SGCZ: variants seen among roughly 807,000 people sequenced by gnomAD.
SGCZ encodes sarcoglycan zeta, also known as zeta-sarcoglycan.
SGCZ carries 40 observed loss-of-function variants against 41.3 expected under a neutral mutation model. That is an observed-to-expected ratio of 0.97 (90% CI 0.75 to 1.26). The LOEUF is 1.26. Ranked by LOEUF, SGCZ falls within the 50% of genes most tolerant of loss-of-function variation. The pLI, the probability that SGCZ is intolerant of heterozygous loss-of-function variation, is 0.00. For missense variants in SGCZ, 552 were observed against 369.8 expected (o/e 1.49, Z -4.04); for synonymous variants, 206 against 137.5 (o/e 1.50, Z -3.49).
intron 1 of SGCZ, among the ~76,000 whole-genome samples, chr8:15,212,584 G>C (rs1251870843): frequency 6.6e-6 from 1 of 152,044 alleles, no homozygotes; most frequent in Non-Finnish European, 1.5e-5. Flanking sequence ...CTTGGCTACA[G>C]CTGGAATAAT....
chr8:14,203,849 A>G (rs951802576), intron 4 of SGCZ, among the ~76,000 whole-genome samples: 3 of 152,162 alleles, frequency 2.0e-5, no homozygotes, highest in African/African-American at 7.2e-5. Context: ...ATGGAATGAA[A>G]GTGTAAGAGA....
At chr8:14,219,947 G>A (rs1255009952) in intron 4 of SGCZ, among the ~76,000 whole-genome samples, 1 of 152,066 alleles carries the variant, frequency 6.6e-6, no homozygotes, top group Non-Finnish European at 1.5e-5. Flanking sequence ...TAATCTCACA[G>A]GAATGAACAA....
At chr8:14,542,531 A>G (rs190051045) in intron 2 of SGCZ, among the ~76,000 whole-genome samples, 5 of 152,248 alleles carry the variant, frequency 3.3e-5, no homozygotes, top group Non-Finnish European at 5.9e-5. Context: ...AGCATAAAGG[A>G]GATTTGTCCA....
chr8:14,201,434 A>G (rs28417690), intron 4 of SGCZ, among the ~76,000 whole-genome samples: 1 of 152,140 alleles, frequency 6.6e-6, no homozygotes, highest in Non-Finnish European at 1.5e-5. Context: ...GCAACAGAAT[A>G]CTCCTTAGTA....
At chr8:14,936,595 T>C (rs1378283502) in intron 1 of SGCZ, among the ~76,000 whole-genome samples, 2 of 151,880 alleles carry the variant, frequency 1.3e-5, no homozygotes, top group Admixed American at 1.3e-4. Flanking sequence ...TCAGGGACCA[T>C]TTATATATAA....
At chr8:14,959,631 T>A (rs927269748) in intron 1 of SGCZ, among the ~76,000 whole-genome samples, 11 of 152,248 alleles carry the variant, frequency 7.2e-5, no homozygotes, top group African/African-American at 2.4e-4. Flanking sequence ...AGCACTGTCA[T>A]TGAACACTGA....
intron 1 of SGCZ, among the ~76,000 whole-genome samples, chr8:15,056,185 C>T (rs951157149): frequency 6.6e-6 from 1 of 152,164 alleles, no homozygotes; most frequent in Non-Finnish European, 1.5e-5. Flanking sequence ...TAACACTAAT[C>T]GCAAGGACTC....
intron 1 of SGCZ, among the ~76,000 whole-genome samples, chr8:14,953,306 G>A (rs542419272): frequency 4.7e-4 from 71 of 152,214 alleles, no homozygotes; most frequent in Middle Eastern, 3.4e-3. Flanking sequence ...AGGGGGAAGC[G>A]CTACGTACAT....
intron 1 of SGCZ, among the ~76,000 whole-genome samples, chr8:15,026,864 G>A (rs1032285399): frequency 2.0e-5 from 3 of 152,150 alleles, no homozygotes; most frequent in African/African-American, 7.2e-5. Context: ...TGAGGAGACA[G>A]ATGAGGTAGA....
chr8:14,681,026 A>T (rs1376448241), intron 1 of SGCZ, among the ~76,000 whole-genome samples: 1 of 151,708 alleles, frequency 6.6e-6, no homozygotes, highest in Non-Finnish European at 1.5e-5. Flanking sequence ...GATCTAACAT[A>T]CTTTTAATTG....
At chr8:14,316,812 GACACACACAC>G (rs55956388) in intron 3 of SGCZ, among the ~76,000 whole-genome samples, 377 of 142,476 alleles carry the variant, frequency 2.6e-3, no homozygotes, top group South Asian at 7.9e-3. Flanking sequence ...ATTTATTATA[GACACACACAC>G]ACACACACAC....
intron 1 of SGCZ, among the ~76,000 whole-genome samples, chr8:14,580,040 T>C (rs529568587): frequency 6.6e-6 from 1 of 152,164 alleles, no homozygotes; most frequent in Non-Finnish European, 1.5e-5. Flanking sequence ...TGGCTGAAGG[T>C]TCATTCATGC....
At chr8:14,098,931 T>C (rs7814720) in intron 7 of SGCZ, among the ~76,000 whole-genome samples, 27,674 of 152,002 alleles carry the variant, frequency 0.18, 3,729 homozygotes, top group East Asian at 0.69. Context: ...GGTTCTCCCA[T>C]CCATTTAGGG....
At chr8:14,367,223 G>A (rs1298934821) in intron 2 of SGCZ, among the ~76,000 whole-genome samples, 3 of 152,004 alleles carry the variant, frequency 2.0e-5, no homozygotes, top group African/African-American at 4.8e-5. Context: ...CAGTTTCCAA[G>A]AAGTTTCTCA....
intron 5 of SGCZ, among the ~76,000 whole-genome samples, chr8:14,157,365 A>T (rs57260840): frequency 0.43 from 38,296 of 88,516 alleles, 5,731 homozygotes; most frequent in African/African-American, 0.51. Context: ...TGTGTGTGTG[A>T]GTGTGTGTGT....
At chr8:14,942,098 G>A (rs1039634831) in intron 1 of SGCZ, among the ~76,000 whole-genome samples, 11 of 151,840 alleles carry the variant, frequency 7.2e-5, no homozygotes, top group South Asian at 2.1e-4. Context: ...CCTGAAGCTC[G>A]CCTGTTTCCC....
chr8:15,150,529 A>C (rs1799149109), intron 1 of SGCZ, among the ~76,000 whole-genome samples: 1 of 152,096 alleles, frequency 6.6e-6, no homozygotes, highest in Non-Finnish European at 1.5e-5. Flanking sequence ...CACAGAGTTG[A>C]CTGGAACAAG....
chr8:14,298,194 T>A (rs1801077963), intron 3 of SGCZ, among the ~76,000 whole-genome samples: 1 of 152,022 alleles, frequency 6.6e-6, no homozygotes, highest in Non-Finnish European at 1.5e-5. Context: ...ACTAGTTATA[T>A]AAGGAATTTT....
intron 1 of SGCZ, among the ~76,000 whole-genome samples, chr8:14,613,781 G>A (rs1382638604): frequency 2.6e-5 from 4 of 152,034 alleles, no homozygotes; most frequent in African/African-American, 9.7e-5. Flanking sequence ...ATTAAACAGG[G>A]GTTTAATGAA....
Sources: allele counts gnomAD v4.1 joint callset (sites outside exome capture counted in the v4.1 genomes callset), GRCh38; gene constraint gnomAD v4.1.1; transcripts MANE v1.5; gene names NCBI Gene and HGNC (gene_info 2026-07-23, HGNC 2026-07-21).